KCNH1: variants seen among roughly 807,000 people sequenced by gnomAD.
The protein encoded by KCNH1 is voltage-gated delayed rectifier potassium channel KCNH1.
KCNH1 carries 27 observed loss-of-function variants against 69.2 expected under a neutral mutation model. The ratio of observed to expected loss-of-function variants is 0.39; its 90% CI spans 0.29 to 0.54. KCNH1 has a LOEUF of 0.54. KCNH1 is among the 20% of genes least tolerant of loss of function. KCNH1 has a pLI of 0.68. For missense variants in KCNH1, 798 were observed against 1,261.6 expected, an observed-to-expected ratio of 0.63 and a Z score of 5.57; for synonymous variants, 456 against 487.7, an observed-to-expected ratio of 0.93 and a Z score of 0.86.
intron 6 of KCNH1, among the ~76,000 whole-genome samples, chr1:210,963,663 G>T (rs748594307): frequency 6.6e-6 from 1 of 151,798 alleles, no homozygotes; most frequent in Non-Finnish European, 1.5e-5. Context: ...ATCAATAGCC[G>T]AATTGATCAA....
chr1:210,854,920 G>A (rs1023202978), intron 7 of KCNH1, among the ~76,000 whole-genome samples: 1 of 152,212 alleles, frequency 6.6e-6, no homozygotes, highest in Non-Finnish European at 1.5e-5. Context: ...TGAGCATCAT[G>A]ACAACCCCTG....
chr1:210,994,536 T>G (rs1688990526), intron 6 of KCNH1, among the ~76,000 whole-genome samples: 1 of 152,230 alleles, frequency 6.6e-6, no homozygotes, highest in Non-Finnish European at 1.5e-5. Context: ...GTGCAGGGTC[T>G]TAAAGGATAG....
At chr1:210,914,914 C>A (rs564177734) in intron 7 of KCNH1, among the ~76,000 whole-genome samples, 6 of 152,144 alleles carry the variant, frequency 3.9e-5, no homozygotes, top group African/African-American at 1.4e-4. Flanking sequence ...ATTGTCTAGA[C>A]CCCCTACCAT....
At chr1:210,951,940 A>T (rs1688069765) in intron 6 of KCNH1, among the ~76,000 whole-genome samples, 1 of 152,036 alleles carries the variant, frequency 6.6e-6, no homozygotes, top group Non-Finnish European at 1.5e-5. Flanking sequence ...CATGCGTTTC[A>T]GCCCCCTCTG....
intron 1 of KCNH1, among the ~76,000 whole-genome samples, chr1:211,113,701 A>G (rs1691512593): frequency 1.3e-5 from 2 of 152,166 alleles, no homozygotes; most frequent in Non-Finnish European, 2.9e-5. Context: ...AGCCTCCCTC[A>G]GTTCCCATGG....
chr1:210,872,653 G>A (rs1686278588), intron 7 of KCNH1, among the ~76,000 whole-genome samples: 1 of 152,134 alleles, frequency 6.6e-6, no homozygotes. Context: ...GGTAGAGTAG[G>A]AGCAAGAGAG....
intron 6 of KCNH1, among the ~76,000 whole-genome samples, chr1:210,923,488 A>C (rs1436084392): frequency 6.6e-6 from 1 of 152,226 alleles, no homozygotes; most frequent in Non-Finnish European, 1.5e-5. Context: ...ATTACTACCC[A>C]AAAGCTATGC....
chr1:210,710,225 T>TAA (rs111407250), intron 10 of KCNH1, among the ~76,000 whole-genome samples: 1 of 151,758 alleles, frequency 6.6e-6, no homozygotes, highest in East Asian at 1.9e-4. Context: ...ATATAAAAGA[T>TAA]AAAAAAAATA....
intron 7 of KCNH1, among the ~76,000 whole-genome samples, chr1:210,825,236 A>C (rs1485726417): frequency 6.6e-6 from 1 of 152,230 alleles, no homozygotes; most frequent in African/African-American, 2.4e-5. Flanking sequence ...GTCAGCTTGG[A>C]ATACAATTGC....
chr1:211,080,250 A>C (rs1326362707), intron 5 of KCNH1, among the ~76,000 whole-genome samples: 85 of 152,264 alleles, frequency 5.6e-4, no homozygotes, highest in African/African-American at 1.9e-3. Context: ...ACCTAGGAAT[A>C]CAACTTACAA....
intron 7 of KCNH1, among the ~76,000 whole-genome samples, chr1:210,867,066 T>G (rs1343347891): frequency 6.6e-6 from 1 of 151,844 alleles, no homozygotes; most frequent in Non-Finnish European, 1.5e-5. Flanking sequence ...AACAGGTAAA[T>G]CTACATTTAG....
At chr1:211,022,977 G>A (rs369188272) in intron 5 of KCNH1, among the ~76,000 whole-genome samples, 1 of 151,952 alleles carries the variant, frequency 6.6e-6, no homozygotes, top group East Asian at 1.9e-4. Context: ...CAGGCATGGT[G>A]GTGGATACCT....
At chr1:211,022,175 A>G (rs1027540746) in intron 5 of KCNH1, among the ~76,000 whole-genome samples, 1 of 152,208 alleles carries the variant, frequency 6.6e-6, no homozygotes, top group Non-Finnish European at 1.5e-5. Flanking sequence ...AAATCCATGT[A>G]TCTACAATGA....
intron 6 of KCNH1, among the ~76,000 whole-genome samples, chr1:210,961,153 A>C (rs1275920663): frequency 6.6e-6 from 1 of 152,040 alleles, no homozygotes; most frequent in Non-Finnish European, 1.5e-5. Context: ...GTCTGTTAAA[A>C]TCTTTTGTCT....
intron 10 of KCNH1, among the ~76,000 whole-genome samples, chr1:210,689,467 G>A (rs1558423901): frequency 6.6e-6 from 1 of 152,186 alleles, no homozygotes; most frequent in Non-Finnish European, 1.5e-5. Context: ...TGTGGGGAGG[G>A]CACCCAAGTG....
At chr1:211,073,114 A>C (rs930084051) in intron 5 of KCNH1, among the ~76,000 whole-genome samples, 2 of 152,184 alleles carry the variant, frequency 1.3e-5, no homozygotes, top group Non-Finnish European at 2.9e-5. Flanking sequence ...CAAAGCAAGA[A>C]AAGTTATCAG....
Position 210,859,094 on chromosome 1 carries a change from C to T in KCNH1, c.1463-54928G>A. On this transcript the variant is annotated intron_variant, in intron 7 of 10. Coordinates refer to ENST00000271751, the MANE Select transcript of KCNH1 (RefSeq NM_172362.3). ...CTGATCATTAGTTTAGAATAGATAACATGAACCAGTTCTAGAACCACTACT... is the reference window on the plus strand; with the variant it reads ...CTGATCATTAGTTTAGAATAGATAATATGAACCAGTTCTAGAACCACTACT... 7.1e-6 allele frequency: 6 copies of T among 850,852 alleles called. No homozygotes were observed. The South Asian group carries it at 8.2e-5, about 12-fold the overall frequency. The allele number at this position is 850,852 out of a possible 1,614,324, so 52.7% of individuals were successfully genotyped here. A position where few individuals can be genotyped will look rare whatever the true frequency, so the allele number is the denominator to read the frequency against.
intron 10 of KCNH1, among the ~76,000 whole-genome samples, chr1:210,720,445 C>A (rs903157339): frequency 5.3e-5 from 8 of 152,134 alleles, no homozygotes; most frequent in Non-Finnish European, 1.2e-4. Flanking sequence ...GTAAGAATAA[C>A]CATATGCGAT....
chr1:211,046,890 T>C (rs909641306), intron 5 of KCNH1, among the ~76,000 whole-genome samples: 7 of 152,102 alleles, frequency 4.6e-5, no homozygotes, highest in Middle Eastern at 3.2e-3. Context: ...CAAAAACCCA[T>C]AGTCTAAATT....
Sources: allele counts gnomAD v4.1 joint callset (sites outside exome capture counted in the v4.1 genomes callset), GRCh38; gene constraint gnomAD v4.1.1; transcripts MANE v1.5; gene names NCBI Gene and HGNC (gene_info 2026-07-23, HGNC 2026-07-21).